PIP5K1B: variants seen among roughly 807,000 people sequenced by gnomAD.
The protein encoded by PIP5K1B is phosphatidylinositol-4-phosphate 5-kinase type 1 beta.
In PIP5K1B, 42 loss-of-function variants were observed where a neutral mutation model predicts 67.0. The observed-to-expected ratio is 0.63, with a 90% CI of 0.49 to 0.81. The LOEUF (loss-of-function observed/expected upper bound fraction) is 0.81, where lower values mean the gene tolerates loss of function less well. PIP5K1B is among the 30% of genes least tolerant of loss of function. PIP5K1B has a pLI of 0.00. For synonymous variants in PIP5K1B, 214 were observed against 231.4 expected, an observed-to-expected ratio of 0.92 and a Z score of 0.68; for missense variants, 459 against 646.3, an observed-to-expected ratio of 0.71 and a Z score of 3.14.
At chr9:68,736,973 C>T (rs1294138188) in intron 1 of PIP5K1B, among the ~76,000 whole-genome samples, 2 of 152,128 alleles carry the variant, frequency 1.3e-5, no homozygotes, top group Non-Finnish European at 1.5e-5. Context: ...AGAAGGCATC[C>T]AGTTTGGGGC....
In PIP5K1B at chr9:68,919,500, A is replaced by G. The variant is rs752263763; in HGVS notation, c.1005A>G (p.Lys335=). The part of the protein sequence containing the change: ...NPDTMGGIPA[K]SHRGEKLLLF... ...ACAGAATGGGAGGCATTCCAGCTAA[A>G]AGCCATAGGGGAGAAAAACTACTTT... Residue 335 remains lysine (K), a synonymous_variant, in exon 10 of 16, where the codon AAA becomes AAG. Transcript: ENST00000265382. 1.9e-6 allele frequency: 3 copies of G among 1,588,684 alleles called. No individual in the cohort carries two copies. Among genetic ancestry groups the G allele is most frequent in the Non-Finnish European group, 2.6e-6 (3 of 1,162,460 alleles).
chr9:68,736,959 AC>A lies in PIP5K1B; in HGVS notation c.-242-5541del, dbSNP rs747821357. ...TACTTAACCATTCCCATTGTTGAATACTTAGAAGGCATCCAGTTTGGGGCCA... is the reference window on the plus strand; with the variant it reads ...TACTTAACCATTCCCATTGTTGAATATTAGAAGGCATCCAGTTTGGGGCCA... On this transcript the variant is annotated intron_variant, in intron 1 of 15. Transcript: ENST00000265382. 8.2e-4 allele frequency among the ~76,000 whole-genome samples: 125 copies of A among 152,340 alleles called. No individual in the cohort carries two copies. The Middle Eastern group carries it at 0.014, about 17-fold the overall frequency.
At chr9:68,846,921 A>T (rs7024959) in intron 4 of PIP5K1B, among the ~76,000 whole-genome samples, 1 of 152,150 alleles carries the variant, frequency 6.6e-6, no homozygotes, top group African/African-American at 2.4e-5. Flanking sequence ...ACCATTTATT[A>T]TAGTCCTCAT....
intron 14 of PIP5K1B, 145 bp from the exon 15 acceptor site, chr9:68,990,995 T>C (rs1830339111): frequency 8.0e-6 from 5 of 626,208 alleles, no homozygotes; most frequent in Non-Finnish European, 1.4e-5. Context: ...AGTGACCATG[T>C]CTCCAGGCAT....
At chr9:68,808,563 G>A (rs1365126148) in intron 2 of PIP5K1B, among the ~76,000 whole-genome samples, 1 of 152,208 alleles carries the variant, frequency 6.6e-6, no homozygotes, top group Admixed American at 6.5e-5. Context: ...CGTCATGGCT[G>A]TTTTCACTGG....
chr9:68,859,925 G>A (rs2132246033), intron 4 of PIP5K1B, among the ~76,000 whole-genome samples: 1 of 152,154 alleles, frequency 6.6e-6, no homozygotes, highest in Admixed American at 6.5e-5. Context: ...TAATTGACAA[G>A]TAAAAATTAT....
At chr9:68,877,324 T>G (rs2132321226) in intron 6 of PIP5K1B, among the ~76,000 whole-genome samples, 1 of 152,342 alleles carries the variant, frequency 6.6e-6, no homozygotes, top group South Asian at 2.1e-4. Context: ...TCTGTGCTCT[T>G]CATCTGCCTT....
intron 4 of PIP5K1B, chr9:68,823,987 G>A (rs1833858162): frequency 1.4e-5 from 6 of 436,978 alleles, no homozygotes; most frequent in Non-Finnish European, 2.7e-5. Flanking sequence ...GTGATGGTGT[G>A]GTTGGAAAAG....
chr9:68,919,512 A>G lies in PIP5K1B; in HGVS notation c.1017A>G (p.Gly339=). Residue 339 remains glycine (G), a synonymous_variant, in exon 10 of 16, where the codon GGA becomes GGG. Coordinates refer to ENST00000265382, the MANE Select transcript of PIP5K1B (RefSeq NM_003558.4). The part of the protein sequence containing the change: ...MGGIPAKSHR[G]EKLLLFMGII... ...GCATTCCAGCTAAAAGCCATAGGGG[A>G]GAAAAACTACTTTTATTTATGGGCA... The G allele has an allele frequency of 6.2e-7, 1 of 1,600,912 alleles. No individual in the cohort carries two copies. Among genetic ancestry groups the G allele is most frequent in the Non-Finnish European group, 8.5e-7 (1 of 1,171,060 alleles).
chr9:68,794,513 C>CCCA (rs1307091639), intron 2 of PIP5K1B, among the ~76,000 whole-genome samples: 8 of 152,142 alleles, frequency 5.3e-5, no homozygotes, highest in African/African-American at 1.9e-4. Flanking sequence ...AAGGGCTTTA[C>CCCA]TGACTTACTT....
At chr9:68,904,056 T>C (rs903976095) in intron 8 of PIP5K1B, among the ~76,000 whole-genome samples, 3 of 149,836 alleles carry the variant, frequency 2.0e-5, no homozygotes, top group Non-Finnish European at 3.0e-5. Flanking sequence ...GTGAAGTGAG[T>C]GGTATGATTA....
intron 15 of PIP5K1B, among the ~76,000 whole-genome samples, chr9:69,007,310 C>T (rs78014488): frequency 0.028 from 4,189 of 152,254 alleles, 99 homozygotes; most frequent in Non-Finnish European, 0.039. Flanking sequence ...AGGTGCTGAG[C>T]TGCACCAGTC....
At chr9:68,929,296 T>G (rs1826872841) in intron 12 of PIP5K1B, among the ~76,000 whole-genome samples, 1 of 152,154 alleles carries the variant, frequency 6.6e-6, no homozygotes, top group African/African-American at 2.4e-5. Flanking sequence ...GTATACTGGG[T>G]CCGATCTTCT....
chr9:68,726,413 G>A (rs1341240027), intron 1 of PIP5K1B, among the ~76,000 whole-genome samples: 1 of 152,138 alleles, frequency 6.6e-6, no homozygotes, highest in African/African-American at 2.4e-5. Flanking sequence ...TCACAAAATT[G>A]GATCTGTACT....
At chr9:68,748,800 C>T (rs764297618) in intron 2 of PIP5K1B, among the ~76,000 whole-genome samples, 21 of 151,800 alleles carry the variant, frequency 1.4e-4, no homozygotes, top group Non-Finnish European at 2.6e-4. Context: ...TTAGTAGAGA[C>T]GGGGTTTCAC....
chr9:69,007,931 T>A (rs1360035842), intron 15 of PIP5K1B, among the ~76,000 whole-genome samples: 1 of 152,144 alleles, frequency 6.6e-6, no homozygotes, highest in African/African-American at 2.4e-5. Flanking sequence ...AATATTGCTT[T>A]CCCCACATAT....
chr9:68,824,988 T>C (rs1488164270), intron 4 of PIP5K1B, among the ~76,000 whole-genome samples: 2 of 152,230 alleles, frequency 1.3e-5, no homozygotes, highest in Non-Finnish European at 2.9e-5. Context: ...ATTCTTATTT[T>C]CAAAAATGAG....
intron 2 of PIP5K1B, among the ~76,000 whole-genome samples, chr9:68,817,901 C>T (rs1833535574): frequency 6.6e-6 from 1 of 151,928 alleles, no homozygotes; most frequent in Non-Finnish European, 1.5e-5. Flanking sequence ...AAATTGATTA[C>T]AATAAGCAAG....
chr9:68,919,473 C>T lies in PIP5K1B; in HGVS notation c.984-6C>T. ...TCAAATATTTTCTCTTTTGCTCCAT[C>T]AACAGAATGGGAGGCATTCCAGCTA... On this transcript the variant is annotated splice_polypyrimidine_tract_variant and splice_region_variant and intron_variant, in intron 9 of 15. Transcript: ENST00000265382. The T allele has an allele frequency of 1.4e-6, 2 of 1,480,626 alleles. No individual in the cohort carries two copies. The highest frequency in any genetic ancestry group is 1.9e-6 in the Non-Finnish European group (2 of 1,076,730). 91.7% of individuals were successfully genotyped at this position (1,480,626 alleles called of 1,614,324 possible).
Sources: gnomAD v4.1 joint callset for allele counts (sites outside exome capture counted in the v4.1 genomes callset) on GRCh38, gnomAD v4.1.1 for gene constraint, MANE v1.5 for transcripts, NCBI Gene and HGNC (gene_info 2026-07-23, HGNC 2026-07-21) for gene names.